The following TGFA variants were observed in gnomAD, a reference collection of about 807,000 sequenced individuals.
The protein encoded by TGFA is protransforming growth factor alpha.
A neutral mutation model predicts 21.7 loss-of-function variants in TGFA; 12 were observed. The observed-to-expected ratio is 0.55, with a 90% CI of 0.35 to 0.90. The LOEUF (loss-of-function observed/expected upper bound fraction) is 0.90, where lower values mean the gene tolerates loss of function less well. Among genes scored for constraint, TGFA ranks in the 40% least tolerant of loss-of-function variants. TGFA has a pLI of 0.01. For missense variants in TGFA, 178 were observed against 210.8 expected, an observed-to-expected ratio of 0.84 and a Z score of 0.96; for synonymous variants, 79 against 88.1, an observed-to-expected ratio of 0.90 and a Z score of 0.58.
intron 1 of TGFA, among the ~76,000 whole-genome samples, chr2:70,543,133 A>G (rs528575064): frequency 1.3e-5 from 2 of 152,238 alleles, no homozygotes; most frequent in Admixed American, 1.3e-4. Context: ...TTAAAAATAA[A>G]AGAAGGGTTT....
chr2:70,538,282 T>C (rs969721381), intron 1 of TGFA, among the ~76,000 whole-genome samples: 5 of 152,252 alleles, frequency 3.3e-5, no homozygotes, highest in African/African-American at 9.6e-5. Flanking sequence ...TTTCCATGAC[T>C]GCTAACACAG....
Position 70,553,534 on chromosome 2 carries a change from C to T in TGFA, c.40+194G>A, listed in dbSNP as rs1673582314. 2.2e-6 allele frequency: 3 copies of T among 1,374,720 alleles called. No individual in the cohort carries two copies. In the African/African-American group the frequency reaches 4.4e-5, roughly 20 times the overall value. The allele number at this position is 1,374,720 out of a possible 1,614,324, so 85.2% of individuals were successfully genotyped here. On this transcript the variant is annotated intron_variant, in intron 1 of 5. Coordinates refer to ENST00000295400, the MANE Select transcript of TGFA (RefSeq NM_003236.4). ...AGCCACTTTCCCGGGGAAGCCTCGGCGCTCGACCGGACAGTCCCCTCTTTG... is the reference window on the plus strand; with the variant it reads ...AGCCACTTTCCCGGGGAAGCCTCGGTGCTCGACCGGACAGTCCCCTCTTTG...
intron 2 of TGFA, among the ~76,000 whole-genome samples, chr2:70,497,246 G>C (rs1481686162): frequency 1.3e-5 from 2 of 152,236 alleles, no homozygotes; most frequent in African/African-American, 4.8e-5. Flanking sequence ...TTTACTCTGA[G>C]AGTATGTTAC....
chr2:70,470,814 T>C (rs576405496), intron 2 of TGFA, among the ~76,000 whole-genome samples: 1 of 152,294 alleles, frequency 6.6e-6, no homozygotes, highest in Admixed American at 6.5e-5. Context: ...TGAAGGGAGC[T>C]TGATGCTAGT....
chr2:70,452,040 T>C (rs1670075307), intron 5 of TGFA, among the ~76,000 whole-genome samples: 1 of 152,224 alleles, frequency 6.6e-6, no homozygotes, highest in Non-Finnish European at 1.5e-5. Flanking sequence ...CATATGTTCT[T>C]GGGGCTTCAG....
intron 1 of TGFA, among the ~76,000 whole-genome samples, chr2:70,547,229 T>C (rs1378396389): frequency 6.6e-6 from 1 of 152,194 alleles, no homozygotes; most frequent in Non-Finnish European, 1.5e-5. Flanking sequence ...TCAAAAGTCG[T>C]TACAATAAAT....
intron 4 of TGFA, among the ~76,000 whole-genome samples, chr2:70,454,462 C>G (rs1242378233): frequency 6.6e-6 from 1 of 152,232 alleles, no homozygotes; most frequent in Non-Finnish European, 1.5e-5. Context: ...GTTGCAGAGT[C>G]TGGGCTGGAA....
At chr2:70,465,383 T>A (rs1320157606) in intron 3 of TGFA, among the ~76,000 whole-genome samples, 1 of 152,168 alleles carries the variant, frequency 6.6e-6, no homozygotes, top group Non-Finnish European at 1.5e-5. Flanking sequence ...GCCCCAGGCT[T>A]GAACTTCCCG....
At chr2:70,458,107 TTTTG>T (rs1171811006) in intron 3 of TGFA, among the ~76,000 whole-genome samples, 57 of 152,114 alleles carry the variant, frequency 3.7e-4, no homozygotes, top group African/African-American at 1.2e-3. Flanking sequence ...GCAGGGTTTT[TTTTG>T]TTTGTTTGCT....
intron 1 of TGFA, among the ~76,000 whole-genome samples, chr2:70,532,801 C>T (rs1269207480): frequency 1.3e-5 from 2 of 152,096 alleles, no homozygotes; most frequent in Non-Finnish European, 2.9e-5. Context: ...CCAGAAAGTG[C>T]TGTTCCCTGA....
At chr2:70,469,057 C>T (rs968468852) in intron 2 of TGFA, among the ~76,000 whole-genome samples, 3 of 151,976 alleles carry the variant, frequency 2.0e-5, no homozygotes, top group South Asian at 2.1e-4. Context: ...CACAAAAGGC[C>T]GTTTAAACCA....
chr2:70,545,828 G>A (rs1048566673), intron 1 of TGFA, among the ~76,000 whole-genome samples: 19 of 151,882 alleles, frequency 1.3e-4, no homozygotes, highest in African/African-American at 4.4e-4. Flanking sequence ...AAATAAATGG[G>A]GGAAAATACT....
intron 1 of TGFA, among the ~76,000 whole-genome samples, chr2:70,524,938 G>A (rs1672589696): frequency 6.6e-6 from 1 of 152,296 alleles, no homozygotes; most frequent in East Asian, 1.9e-4. Flanking sequence ...CCTGGCCTGT[G>A]ATGTCTCAGA....
At chr2:70,470,210 G>A (rs1464735952) in intron 2 of TGFA, among the ~76,000 whole-genome samples, 2 of 152,072 alleles carry the variant, frequency 1.3e-5, no homozygotes, top group African/African-American at 4.8e-5. Context: ...GAAACAGACA[G>A]GCGGGCAGTG....
intron 2 of TGFA, among the ~76,000 whole-genome samples, chr2:70,473,426 G>A (rs564792500): frequency 3.3e-5 from 5 of 151,658 alleles, no homozygotes; most frequent in Admixed American, 6.6e-5. Flanking sequence ...GAATGATCCC[G>A]AAGAGGAAGG....
intron 4 of TGFA, among the ~76,000 whole-genome samples, chr2:70,454,136 G>A (rs1276022111): frequency 3.3e-5 from 5 of 152,132 alleles, no homozygotes; most frequent in East Asian, 1.9e-4. Context: ...ACCCTAATTC[G>A]TATATAATTT....
At chr2:70,547,749 T>C (rs1673354485) in intron 1 of TGFA, among the ~76,000 whole-genome samples, 1 of 131,272 alleles carries the variant, frequency 7.6e-6, no homozygotes, top group South Asian at 2.6e-4. Context: ...ATTATATATA[T>C]AGATAGTATA....
At chr2:70,484,844 C>T (rs782158026) in intron 2 of TGFA, among the ~76,000 whole-genome samples, 1 of 152,162 alleles carries the variant, frequency 6.6e-6, no homozygotes, top group Non-Finnish European at 1.5e-5. Context: ...AACAAAGTTG[C>T]TTTTGTTCAA....
intron 2 of TGFA, among the ~76,000 whole-genome samples, chr2:70,477,437 T>C (rs1553494668): frequency 6.6e-6 from 1 of 152,036 alleles, no homozygotes; most frequent in East Asian, 1.9e-4. Flanking sequence ...ATTGAAAGAG[T>C]TCAGCTGGGA....
Sources: gnomAD v4.1 joint callset for allele counts (sites outside exome capture counted in the v4.1 genomes callset) on GRCh38, gnomAD v4.1.1 for gene constraint, MANE v1.5 for transcripts, NCBI Gene and HGNC (gene_info 2026-07-23, HGNC 2026-07-21) for gene names.